The following ZNF37A variants were observed in gnomAD, a reference collection of about 807,000 sequenced individuals.
ZNF37A encodes the protein zinc finger protein 37a (KOX 21).
In ZNF37A, 10 loss-of-function variants were observed where a neutral mutation model predicts 12.3. That is an observed-to-expected ratio of 0.82 (90% CI 0.50 to 1.38). ZNF37A has a LOEUF of 1.38. ZNF37A is among the 40% of genes most tolerant of loss of function. The pLI is 0.00. For synonymous variants in ZNF37A, 207 were observed against 223.0 expected (o/e 0.93, Z 0.64); for missense variants, 580 against 651.2 (o/e 0.89, Z 1.19).
chr10:38,112,745 CTTTTCTTTTCTTT>C lies in ZNF37A; in HGVS notation c.16-2008_16-1996del, dbSNP rs1564931891. Among the ~76,000 whole-genome samples, 40 of 34,430 alleles carry C rather than the reference CTTTTCTTTTCTTT, an allele frequency of 1.2e-3. 1 individual carries two copies. The highest frequency in any genetic ancestry group is 1.3e-3 in the Non-Finnish European group (21 of 16,588). 22.6% of individuals were successfully genotyped at this position (34,430 alleles called of 152,430 possible). A position where few individuals can be genotyped will look rare whatever the true frequency, so the allele number is the denominator to read the frequency against. ...TTTTACATCCATTTTCTTTTCTTTT[CTTTTCTTTTCTTT>C]TCTTTTCTTTTCTTTTCTTTTCTTT... On this transcript the variant is annotated intron_variant, in intron 5 of 7. Transcript: ENST00000685332.
intron 7 of ZNF37A, among the ~76,000 whole-genome samples, chr10:38,144,964 A>G (rs551046775): frequency 6.6e-6 from 1 of 152,288 alleles, no homozygotes; most frequent in South Asian, 2.1e-4. Flanking sequence ...TGCATTTAGT[A>G]AAATGATGGA....
intron 5 of ZNF37A, among the ~76,000 whole-genome samples, chr10:38,099,842 G>A (rs776119870): frequency 5.3e-5 from 8 of 152,090 alleles, no homozygotes; most frequent in East Asian, 1.9e-4. Flanking sequence ...ATTTTTCATC[G>A]TGGTTTTGAT....
chr10:38,114,185 T>C (rs1349208526), intron 5 of ZNF37A, among the ~76,000 whole-genome samples: 1 of 152,234 alleles, frequency 6.6e-6, no homozygotes, highest in Non-Finnish European at 1.5e-5. Flanking sequence ...CTGCAACCTT[T>C]ACCTCATCAC....
Position 38,119,224 on chromosome 10 carries a change from G to T in ZNF37A, c.*387G>T. On this transcript the variant is annotated 3_prime_UTR_variant, in exon 8 of 8. Transcript: ENST00000685332. The stretch of plus-strand genomic sequence containing the variant: ...GAAGACACACTTGGAGAAACCTTTT[G>T]GGTGTAATGAATGTGGGAAAACCTT... 4 of 1,036,446 alleles carry T rather than the reference G, an allele frequency of 3.9e-6. No homozygotes were observed. The highest frequency in any genetic ancestry group is 4.7e-6 in the Non-Finnish European group (4 of 851,498). 64.2% of individuals were successfully genotyped at this position (1,036,446 alleles called of 1,614,324 possible).
intron 5 of ZNF37A, among the ~76,000 whole-genome samples, chr10:38,112,801 T>TCAG (rs879590645): frequency 1.5e-5 from 1 of 68,722 alleles, no homozygotes. Flanking sequence ...TTTTCTTGTC[T>TCAG]TGTCTTGTCT....
At chr10:38,142,446 A>T (rs1285386392) in intron 7 of ZNF37A, 1 of 152,208 alleles carries the variant, frequency 6.6e-6, no homozygotes, top group African/African-American at 2.4e-5. Context: ...GTTTACATAG[A>T]TCCAAGCTTA....
At chr10:38,103,448 TGTTA>T (rs1458442642) in intron 5 of ZNF37A, among the ~76,000 whole-genome samples, 1 of 152,224 alleles carries the variant, frequency 6.6e-6, no homozygotes, top group Non-Finnish European at 1.5e-5. Flanking sequence ...TCCTGGTTTC[TGTTA>T]GTTCTTTGTC....
chr10:38,116,409 T>C (rs1213511968), intron 7 of ZNF37A, among the ~76,000 whole-genome samples: 3 of 152,186 alleles, frequency 2.0e-5, no homozygotes, highest in Non-Finnish European at 4.4e-5. Flanking sequence ...TAAATGAACC[T>C]GGGAAATTTG....
intron 7 of ZNF37A, chr10:38,141,054 G>C (rs2070175172): frequency 6.6e-6 from 1 of 152,172 alleles, no homozygotes; most frequent in Middle Eastern, 3.4e-3. Flanking sequence ...ATCCAATGAG[G>C]GACCCATATT....
chr10:38,101,958 G>A (rs1219518427), intron 5 of ZNF37A, among the ~76,000 whole-genome samples: 1 of 151,588 alleles, frequency 6.6e-6, no homozygotes, highest in Non-Finnish European at 1.5e-5. Flanking sequence ...GAGGAGCTGG[G>A]ATTACTGGTG....
intron 5 of ZNF37A, among the ~76,000 whole-genome samples, chr10:38,103,113 C>A (rs1328154890): frequency 6.6e-6 from 1 of 152,016 alleles, no homozygotes; most frequent in African/African-American, 2.4e-5. Flanking sequence ...GACATTGTTT[C>A]TTCAGATATT....
chr10:38,117,472 G>C lies in ZNF37A; in HGVS notation c.321G>C (p.Lys107Asn). The change falls in exon 8 of 8, where the codon AAG becomes AAC. Residue 107 changes from lysine to asparagine, a missense_variant. Coordinates refer to ENST00000685332, the MANE Select transcript of ZNF37A (RefSeq NM_001324250.3). ...GTGGAAAATGTTTCTGTGATGAAAA[G>C]CATGAAATAATTCATTCTGAAGAGG... is the stretch of plus-strand genomic sequence containing the variant. The part of the protein sequence containing the change: ...NKGGKCFCDE[K>N]HEIIHSEEEP... 1 of 1,610,946 alleles carries C rather than the reference G, an allele frequency of 6.2e-7. No homozygotes were observed. Among genetic ancestry groups the C allele is most frequent in the Non-Finnish European group, 8.5e-7 (1 of 1,179,232 alleles).
downstream of ZNF37A, chr10:38,125,483 A>G (rs539644475): frequency 6.6e-6 from 1 of 152,332 alleles, no homozygotes; most frequent in Admixed American, 6.5e-5. Flanking sequence ...GTGATTTGCA[A>G]CATGCCCCTA....
intron 5 of ZNF37A, among the ~76,000 whole-genome samples, chr10:38,111,018 A>G (rs1297937592): frequency 6.6e-6 from 1 of 152,260 alleles, no homozygotes; most frequent in African/African-American, 2.4e-5. Flanking sequence ...TTCTACTATA[A>G]GGACACATGC....
chr10:38,115,620 CA>C (rs1157305013), intron 7 of ZNF37A: 3 of 165,498 alleles, frequency 1.8e-5, no homozygotes, highest in Non-Finnish European at 3.9e-5. Flanking sequence ...TCAACACCCC[CA>C]GAAAGCTCCC....
At chr10:38,112,954 CCT>C in intron 5 of ZNF37A, among the ~76,000 whole-genome samples, 1 of 150,074 alleles carries the variant, frequency 6.7e-6, no homozygotes, top group East Asian at 2.0e-4. Context: ...ATTACAGGTG[CCT>C]GCCACCATGT....
chr10:38,137,047 C>T (rs909783699), intron 7 of ZNF37A, among the ~76,000 whole-genome samples: 27 of 152,242 alleles, frequency 1.8e-4, no homozygotes, highest in African/African-American at 5.8e-4. Flanking sequence ...TTTCCTGTTT[C>T]GTCCATGTCT....
downstream of ZNF37A, among the ~76,000 whole-genome samples, chr10:38,127,393 T>C (rs1439927990): frequency 6.6e-6 from 1 of 152,190 alleles, no homozygotes. Flanking sequence ...ATTTCTCTCT[T>C]TAATACTAAT....
chr10:38,114,880 A>C lies in ZNF37A; in HGVS notation c.141A>C (p.Val47=), dbSNP rs995454950. 14 of 1,609,300 alleles carry C rather than the reference A, an allele frequency of 8.7e-6. No individual in the cohort carries two copies. Among genetic ancestry groups the C allele is most frequent in the Non-Finnish European group, 1.2e-5 (14 of 1,178,230 alleles). Residue 47 remains valine, a splice_region_variant and synonymous_variant, in exon 6 of 8, where the codon GTA becomes GTC. Coordinates refer to ENST00000685332, the MANE Select transcript of ZNF37A (RefSeq NM_001324250.3). ...AGAACTACAGCCACCTTGTCTCAGTAGGTAGGTAGGAATTGTTTCCCATGT... is the reference window on the plus strand; with the variant it reads ...AGAACTACAGCCACCTTGTCTCAGTCGGTAGGTAGGAATTGTTTCCCATGT... ...MLENYSHLVS[V]GYCIPKPEVI...
Sources: gnomAD v4.1 joint callset for allele counts (sites outside exome capture counted in the v4.1 genomes callset) on GRCh38, gnomAD v4.1.1 for gene constraint, MANE v1.5 for transcripts, NCBI Gene and HGNC (gene_info 2026-07-23, HGNC 2026-07-21) for gene names.